The following IL1RAPL1 variants were observed in gnomAD, a reference collection of about 807,000 sequenced individuals.
IL1RAPL1 encodes interleukin-1 receptor accessory protein-like 1.
In IL1RAPL1, 3 loss-of-function variants were observed where a neutral mutation model predicts 48.4. The observed-to-expected ratio is 0.06, with a 90% CI of 0.03 to 0.16. IL1RAPL1 has a LOEUF of 0.16. Ranked by LOEUF, IL1RAPL1 falls within the 10% of genes least tolerant of loss-of-function variation. The probability of loss-of-function intolerance (pLI) is 1.00; values close to 1 mark genes in which losing one functional copy is unlikely to be tolerated. For missense variants in IL1RAPL1, 349 were observed against 530.6 expected (o/e 0.66, Z 3.36); for synonymous variants, 185 against 187.7 (o/e 0.99, Z 0.12).
chrX:29,795,193 ATATC>A (rs1469520808), intron 6 of IL1RAPL1, among the ~76,000 whole-genome samples: 1 of 111,899 alleles, frequency 8.9e-6, no homozygotes, highest in Non-Finnish European at 1.9e-5. Flanking sequence ...TACATGTTAT[ATATC>A]TATATCTAAA....
At chrX:29,884,227 C>T (rs1932091036) in intron 6 of IL1RAPL1, among the ~76,000 whole-genome samples, 1 of 111,688 alleles carries the variant, frequency 9.0e-6, no homozygotes, top group African/African-American at 3.3e-5. Flanking sequence ...CTTATTTTCT[C>T]CATGGAATAT....
intron 5 of IL1RAPL1, among the ~76,000 whole-genome samples, chrX:29,513,915 C>CA (rs1935419741): frequency 9.0e-6 from 1 of 111,568 alleles, no homozygotes; most frequent in Non-Finnish European, 1.9e-5. Flanking sequence ...GTAAAGATGA[C>CA]AAACTTTTTT....
At chrX:29,193,892 G>A (rs572650471) in intron 2 of IL1RAPL1, among the ~76,000 whole-genome samples, 5 of 111,703 alleles carry the variant, frequency 4.5e-5, no homozygotes, top group African/African-American at 1.6e-4. Context: ...GGATAAAGAG[G>A]ACAGGAGACT....
chrX:29,275,577 A>T (rs754825838), intron 2 of IL1RAPL1, among the ~76,000 whole-genome samples: 38 of 112,296 alleles, frequency 3.4e-4, no homozygotes, highest in African/African-American at 1.2e-3. Context: ...ATCTTCCTAG[A>T]CATATTTCCT....
intron 2 of IL1RAPL1, among the ~76,000 whole-genome samples, chrX:28,832,206 A>G (rs547661751): frequency 5.4e-5 from 6 of 110,648 alleles, no homozygotes; most frequent in African/African-American, 2.0e-4. Flanking sequence ...TTCCTCCTAT[A>G]TCACCGTATT....
intron 2 of IL1RAPL1, among the ~76,000 whole-genome samples, chrX:28,915,032 G>A (rs6526824): frequency 0.18 from 20,343 of 110,684 alleles, 1,612 homozygotes; most frequent in East Asian, 0.44. Context: ...GATGATGGGG[G>A]GCAGGGGCAA....
intron 2 of IL1RAPL1, among the ~76,000 whole-genome samples, chrX:29,078,102 T>A (rs758099284): frequency 1.8e-5 from 2 of 111,300 alleles, no homozygotes; most frequent in Non-Finnish European, 1.9e-5. Flanking sequence ...AAACTCCGTG[T>A]CTACTAAAAA....
chrX:29,391,400 A>AT (rs1212325166), intron 3 of IL1RAPL1, among the ~76,000 whole-genome samples: 55 of 109,309 alleles, frequency 5.0e-4, no homozygotes, highest in Admixed American at 1.7e-3. Context: ...ACTGAATCAG[A>AT]TTTTTTTTTT....
chrX:29,945,022 G>A (rs905020193), intron 9 of IL1RAPL1, among the ~76,000 whole-genome samples: 2 of 110,581 alleles, frequency 1.8e-5, no homozygotes, highest in African/African-American at 6.6e-5. Flanking sequence ...TTGAGTGCAG[G>A]ATTTCTCTAT....
intron 3 of IL1RAPL1, among the ~76,000 whole-genome samples, chrX:29,316,130 C>G: frequency 8.9e-6 from 1 of 112,186 alleles, no homozygotes; most frequent in Non-Finnish European, 1.9e-5. Context: ...TAACAGTCTC[C>G]TCCTTTGTAT....
chrX:28,989,792 A>T (rs1925558853), intron 2 of IL1RAPL1, among the ~76,000 whole-genome samples: 1 of 112,104 alleles, frequency 8.9e-6, no homozygotes, highest in South Asian at 3.6e-4. Flanking sequence ...AGTATAATAA[A>T]TATTTGGGGA....
At chrX:28,761,685 C>T (rs1436255311) in intron 1 of IL1RAPL1, among the ~76,000 whole-genome samples, 1 of 111,465 alleles carries the variant, frequency 9.0e-6, no homozygotes, top group East Asian at 2.8e-4. Flanking sequence ...ACTAGAAACC[C>T]CAGAGTCATG....
chrX:29,886,237 T>G (rs192735014), intron 6 of IL1RAPL1, among the ~76,000 whole-genome samples: 85 of 112,548 alleles, frequency 7.6e-4, no homozygotes, highest in African/African-American at 2.5e-3. Flanking sequence ...CGTTTTACAT[T>G]TTTCTCCAAA....
At chrX:29,618,873 C>G (rs935133292) in intron 5 of IL1RAPL1, among the ~76,000 whole-genome samples, 1 of 111,804 alleles carries the variant, frequency 8.9e-6, no homozygotes, top group Non-Finnish European at 1.9e-5. Flanking sequence ...CTCATATAAT[C>G]TAACTCCTTT....
chrX:29,356,952 C>T (rs1304826485), intron 3 of IL1RAPL1, among the ~76,000 whole-genome samples: 2 of 111,688 alleles, frequency 1.8e-5, no homozygotes, highest in Admixed American at 9.6e-5. Context: ...AATGTTTAAA[C>T]TATTTTAAAC....
At chrX:29,862,412 C>T (rs899508252) in intron 6 of IL1RAPL1, among the ~76,000 whole-genome samples, 16 of 111,247 alleles carry the variant, frequency 1.4e-4, no homozygotes, top group Non-Finnish European at 3.0e-4. Context: ...GTTATAAAAA[C>T]GTGACGGATG....
chrX:29,363,109 G>A (rs1335401665), intron 3 of IL1RAPL1, among the ~76,000 whole-genome samples: 1 of 111,654 alleles, frequency 9.0e-6, no homozygotes, highest in Non-Finnish European at 1.9e-5. Context: ...CGTGCTGTGA[G>A]TAAATAGGTG....
chrX:28,976,933 T>TA lies in IL1RAPL1; in HGVS notation c.82+187509dup, dbSNP rs775364858. Among the ~76,000 whole-genome samples, 19 of 112,502 alleles carry TA rather than the reference T, an allele frequency of 1.7e-4. No homozygotes were observed. In the East Asian group the frequency reaches 5.3e-3, roughly 32 times the overall value. ...TTGGAAGAATACAACTCTGCTCTTT[T>TA]AGCAGGAAAACAGCTATAGATATCA... On this transcript the variant is annotated intron_variant, in intron 2 of 10. Transcript: ENST00000378993.
At chrX:29,247,031 C>G (rs1406211574) in intron 2 of IL1RAPL1, among the ~76,000 whole-genome samples, 1 of 112,062 alleles carries the variant, frequency 8.9e-6, no homozygotes, top group East Asian at 2.8e-4. Context: ...TTAGGGGAAA[C>G]AGGAAAGAGC....
Sources: allele counts gnomAD v4.1 joint callset (sites outside exome capture counted in the v4.1 genomes callset), GRCh38; gene constraint gnomAD v4.1.1; transcripts MANE v1.5; gene names NCBI Gene and HGNC (gene_info 2026-07-23, HGNC 2026-07-21).